GRIN1: variants seen among roughly 807,000 people sequenced by gnomAD.
The protein encoded by GRIN1 is glutamate receptor ionotropic, NMDA 1.
A neutral mutation model predicts 103.0 loss-of-function variants in GRIN1; 38 were observed. That is an observed-to-expected ratio of 0.37 (90% CI 0.28 to 0.48). The LOEUF is 0.48. GRIN1 is among the 20% of genes least tolerant of loss of function. The pLI, the probability that GRIN1 is intolerant of heterozygous loss-of-function variation, is 0.98. For missense variants in GRIN1, 577 were observed against 1,288.9 expected, an observed-to-expected ratio of 0.45 and a Z score of 8.46; for synonymous variants, 544 against 532.7, an observed-to-expected ratio of 1.02 and a Z score of -0.29.
chr9:137,157,096 C>T (rs1271885289), intron 6 of GRIN1, 59 bp downstream of exon 6: 2 of 1,387,844 alleles, frequency 1.4e-6, no homozygotes, highest in South Asian at 2.5e-5. Flanking sequence ...GGCGGGGTCA[C>T]TCCAGAGATG....
At chr9:137,161,453 G>A (rs201985545) in intron 10 of GRIN1, 37 bp downstream of exon 10, 398 of 1,594,946 alleles carry the variant, frequency 2.5e-4, no homozygotes, top group Admixed American at 4.4e-4. Context: ...CAGCGTGAGA[G>A]GGGCCTGCAG....
At chr9:137,140,302 G>A (rs1832095701) in intron 1 of GRIN1, among the ~76,000 whole-genome samples, 1 of 152,198 alleles carries the variant, frequency 6.6e-6, no homozygotes, top group Admixed American at 6.5e-5. Flanking sequence ...GGCAGCCAGC[G>A]CTGCGGGGGA....
At position 137,162,830 on chromosome 9, in the gene GRIN1, C is replaced by G. The variant is rs201697992; in HGVS notation, c.2014-16C>G. The G allele has an allele frequency of 6.2e-7, 1 of 1,611,316 alleles. No homozygotes were observed. Among genetic ancestry groups the G allele is most frequent in the Non-Finnish European group, 8.5e-7 (1 of 1,179,430 alleles). On this transcript the variant is annotated splice_polypyrimidine_tract_variant and intron_variant, in intron 14 of 19. Coordinates refer to ENST00000371561, the MANE Select transcript of GRIN1 (RefSeq NM_007327.4). ...TGGGGAGCCGCCGCCGCGATCCCTG[C>G]CCTCCGACCCTGCAGCTGAGGAACC...
At chr9:137,157,067 G>T in intron 6 of GRIN1, 30 bp downstream of exon 6, 1 of 1,583,834 alleles carries the variant, frequency 6.3e-7, no homozygotes, top group South Asian at 1.1e-5. Flanking sequence ...AGCTGGGCGG[G>T]GCTGCTCTTG....
Position 137,161,031 on chromosome 9 carries a change from G to C in GRIN1, c.1198-25G>C, listed in dbSNP as rs778092580. 4 of 1,612,298 alleles carry C rather than the reference G, an allele frequency of 2.5e-6. 1 individual carries two copies. The South Asian group carries it at 4.4e-5, about 18-fold the overall frequency. On this transcript the variant is annotated intron_variant, in intron 8 of 19. Coordinates refer to ENST00000371561, the MANE Select transcript of GRIN1 (RefSeq NM_007327.4). ...TGGGCAGCCTTAGGTCGGTGGTCCA[G>C]GCTGGGTCTCCCCTTCCCCCCCAGA...
intron 3 of GRIN1, chr9:137,148,310 C>A: frequency 1.3e-6 from 1 of 792,914 alleles, no homozygotes; most frequent in Non-Finnish European, 2.0e-6. Flanking sequence ...GCCGCCGAGC[C>A]GCAGGCCCAA....
At chr9:137,164,891 G>C (rs1259181502) in intron 18 of GRIN1, 1 of 438,306 alleles carries the variant, frequency 2.3e-6, no homozygotes, top group East Asian at 4.7e-5. Flanking sequence ...TCCTCGGGAC[G>C]CCTGTAAGCC....
intron 2 of GRIN1, among the ~76,000 whole-genome samples, chr9:137,142,816 G>A (rs1050446025): frequency 2.0e-5 from 3 of 152,226 alleles, no homozygotes; most frequent in East Asian, 1.9e-4. Flanking sequence ...GGTCGGGGGC[G>A]CTGGCCTGGG....
intron 8 of GRIN1, among the ~76,000 whole-genome samples, chr9:137,159,565 A>G (rs1833420110): frequency 6.6e-6 from 1 of 152,212 alleles, no homozygotes; most frequent in Non-Finnish European, 1.5e-5. Flanking sequence ...ATTGCAGCCC[A>G]GACACCTCAC....
intron 1 of GRIN1, 95 bp from the exon 2 acceptor site, chr9:137,141,918 G>T (rs1832192168): frequency 7.5e-7 from 1 of 1,336,158 alleles, no homozygotes; most frequent in Admixed American, 1.7e-5. Context: ...CCCTTAGCCT[G>T]CTGGGTTCAG....
At position 137,163,262 on chromosome 9, in the gene GRIN1, C is replaced by T. The variant is rs748101281; in HGVS notation, c.2265C>T (p.Arg755=). 17 of 1,613,686 alleles carry T rather than the reference C, an allele frequency of 1.1e-5. No individual in the cohort carries two copies. In the Middle Eastern group the frequency reaches 6.6e-4, roughly 62 times the overall value. Residue 755 remains arginine (R), a synonymous_variant, in exon 16 of 20, where the codon CGC becomes CGT. Coordinates refer to ENST00000371561, the MANE Select transcript of GRIN1 (RefSeq NM_007327.4). ...DLVTTGELFF[R]SGFGIGMRKD... ...TGACGACTGGAGAGCTGTTTTTCCG[C>T]TCGGGCTTCGGCATAGGCATGCGCA...
intron 4 of GRIN1, among the ~76,000 whole-genome samples, chr9:137,150,024 C>T (rs1270538720): frequency 6.6e-6 from 1 of 152,172 alleles, no homozygotes; most frequent in East Asian, 1.9e-4. Context: ...CAGGGCTCCT[C>T]GGACTAGAAG....
At position 137,167,707 on chromosome 9, in the gene GRIN1, C is replaced by G; in HGVS notation, c.*180C>G. 1 of 1,604,778 alleles carries G rather than the reference C, an allele frequency of 6.2e-7. No individual in the cohort carries two copies. The highest frequency in any genetic ancestry group is 8.5e-7 in the Non-Finnish European group (1 of 1,175,784). On this transcript the variant is annotated 3_prime_UTR_variant, in exon 20 of 20. Transcript: ENST00000371561. Reference sequence around the variant, plus strand: ...TGGCCGGCTGGCCGGTCCACCCCGTCCCGGCCCCGCGCGTGCCCCCAGCGT... The same window carrying G: ...TGGCCGGCTGGCCGGTCCACCCCGTGCCGGCCCCGCGCGTGCCCCCAGCGT...
chr9:137,142,684 G>A (rs1326307684), intron 2 of GRIN1, among the ~76,000 whole-genome samples: 1 of 152,242 alleles, frequency 6.6e-6, no homozygotes, highest in Non-Finnish European at 1.5e-5. Flanking sequence ...GACTTTGAAG[G>A]GGAGTTTGGA....
chr9:137,147,429 GGCACACACATGCACACATGCACAC>G (rs1274581411), intron 3 of GRIN1, among the ~76,000 whole-genome samples: 29 of 151,110 alleles, frequency 1.9e-4, no homozygotes, highest in African/African-American at 6.8e-4. Flanking sequence ...CACGTGCACA[GGCACACACATGCACACATGCACAC>G]GCACACACAT....
At chr9:137,162,144 G>A in intron 11 of GRIN1, 28 bp from the exon 12 acceptor site, 1 of 1,542,044 alleles carries the variant, frequency 6.5e-7, no homozygotes, top group Non-Finnish European at 8.7e-7. Flanking sequence ...GAGGGCCCGG[G>A]CCGCGCTGAC....
At chr9:137,150,302 CCCCGCCCAGGGAAAGA>C (rs1354638821) in intron 4 of GRIN1, among the ~76,000 whole-genome samples, 1 of 152,058 alleles carries the variant, frequency 6.6e-6, no homozygotes, top group Non-Finnish European at 1.5e-5. Flanking sequence ...AGAAGGAATG[CCCCGCCCAGGGAAAGA>C]CCCGCCCAGA....
At position 137,162,534 on chromosome 9, in the gene GRIN1, C is replaced by T; in HGVS notation, c.1864+18C>T. ...CGGGGAAGGTAAGGCCCCGCCCGGC[C>T]CGCCTGGTCCCGCCTCGGCCCTCTA... On this transcript the variant is annotated intron_variant, in intron 13 of 19. Transcript: ENST00000371561. 1 of 1,610,416 alleles carries T rather than the reference C, an allele frequency of 6.2e-7. No homozygotes were observed. The highest frequency in any genetic ancestry group is 8.5e-7 in the Non-Finnish European group (1 of 1,178,666).
At position 137,153,288 on chromosome 9, in the gene GRIN1, T is replaced by C. The variant is rs530548636; in HGVS notation, c.672-3381T>C. 2.2e-5 allele frequency among the ~76,000 whole-genome samples: 3 copies of C among 137,906 alleles called. No homozygotes were observed. In the East Asian group the frequency reaches 7.0e-4, roughly 32 times the overall value. 90.5% of individuals were successfully genotyped at this position (137,906 alleles called of 152,430 possible). Reference sequence around the variant, plus strand: ...TACACCATACACATGTGCACAAATGTATGTACACACACCATAGTCACACCA... The same window carrying C: ...TACACCATACACATGTGCACAAATGCATGTACACACACCATAGTCACACCA... On this transcript the variant is annotated intron_variant, in intron 4 of 19. Transcript: ENST00000371561.
Sources: gnomAD v4.1 joint callset for allele counts (sites outside exome capture counted in the v4.1 genomes callset) on GRCh38, gnomAD v4.1.1 for gene constraint, MANE v1.5 for transcripts, NCBI Gene and HGNC (gene_info 2026-07-23, HGNC 2026-07-21) for gene names.